ABCA9: variants seen among roughly 807,000 people sequenced by gnomAD.
The protein encoded by ABCA9 is ATP-binding cassette sub-family A member 9.
In ABCA9, 183 loss-of-function variants were observed where a neutral mutation model predicts 205.3. The observed-to-expected ratio is 0.89, with a 90% CI of 0.79 to 1.01. The LOEUF is 1.01. Ranked by LOEUF, ABCA9 falls within the 50% of genes least tolerant of loss-of-function variation. ABCA9 has a pLI of 0.00. For synonymous variants in ABCA9, 651 were observed against 683.3 expected, an observed-to-expected ratio of 0.95 and a Z score of 0.74; for missense variants, 1,805 against 1,912.4, an observed-to-expected ratio of 0.94 and a Z score of 1.05.
intron 3 of ABCA9, among the ~76,000 whole-genome samples, chr17:69,046,133 C>T (rs761351971): frequency 1.3e-5 from 2 of 152,100 alleles, no homozygotes; most frequent in Non-Finnish European, 2.9e-5. Flanking sequence ...AATTATAGTA[C>T]ACATCTTCAT....
At chr17:69,061,491 C>T (rs900692282), upstream of ABCA9, among the ~76,000 whole-genome samples, 1 of 152,060 alleles carries the variant, frequency 6.6e-6, no homozygotes, top group African/African-American at 2.4e-5. Flanking sequence ...TCTGAGTTTC[C>T]ATCTGCATCT....
At chr17:69,045,936 C>T (rs1404886861) in intron 3 of ABCA9, among the ~76,000 whole-genome samples, 2 of 151,972 alleles carry the variant, frequency 1.3e-5, no homozygotes, top group African/African-American at 4.8e-5. Context: ...GGAGACACAG[C>T]CAAACCATAT....
upstream of ABCA9, among the ~76,000 whole-genome samples, chr17:69,062,464 ATCT>A (rs530632376): frequency 6.6e-6 from 1 of 151,790 alleles, no homozygotes; most frequent in Admixed American, 6.6e-5. Context: ...CCTCTCATTG[ATCT>A]TCTTTTTAAT....
At chr17:69,032,300 A>G in intron 9 of ABCA9, 24 bp from the exon 10 acceptor site, 1 of 1,605,876 alleles carries the variant, frequency 6.2e-7, no homozygotes, top group South Asian at 1.1e-5. Flanking sequence ...AGGCAATTGA[A>G]TACTGGGTCA....
Position 69,008,222 on chromosome 17 carries a change from G to T in ABCA9, c.3161C>A (p.Ser1054Tyr). Reference sequence around the variant, plus strand: ...GTAGAGGCCTGAAATCCGTAGCTGGGAATGAGCTTTTTTCTGATAAAGAAA... The same window carrying T: ...GTAGAGGCCTGAAATCCGTAGCTGGTAATGAGCTTTTTTCTGATAAAGAAA... ...SIGDYKKKAH[S>Y]QLRISGLYPS... The change falls in exon 24 of 39, where the codon TCC becomes TAC. Residue 1054 changes from serine to tyrosine, a missense_variant. Physicochemically the swap from Ser to Tyr is moderately radical, Grantham distance 144. Coordinates refer to ENST00000340001, the MANE Select transcript of ABCA9 (RefSeq NM_080283.4). The T allele has an allele frequency of 6.2e-7, 1 of 1,612,416 alleles. No individual in the cohort carries two copies. The highest frequency in any genetic ancestry group is 8.5e-7 in the Non-Finnish European group (1 of 1,179,610).
At chr17:69,011,169 A>G (rs1477602036) in intron 23 of ABCA9, among the ~76,000 whole-genome samples, 2 of 152,190 alleles carry the variant, frequency 1.3e-5, no homozygotes, top group South Asian at 2.1e-4. Context: ...TGTAACTAGT[A>G]TCTCATTTTA....
chr17:69,057,588 G>T (rs1235870262), intron 1 of ABCA9, among the ~76,000 whole-genome samples: 1 of 152,218 alleles, frequency 6.6e-6, no homozygotes, highest in Non-Finnish European at 1.5e-5. Context: ...TTCAGGATAT[G>T]TCTGTCCAAA....
intron 6 of ABCA9, among the ~76,000 whole-genome samples, chr17:69,036,871 CAAAAAAAAAAAAAAAAAAA>C (rs781565554): frequency 6.4e-4 from 3 of 4,700 alleles, no homozygotes; most frequent in Non-Finnish European, 8.5e-4. Flanking sequence ...AAATGGAAAG[CAAAAAAAAAAAAAAAAAAA>C]AAAAAAAAGC....
chr17:68,976,510 A>T (rs1318358758), intron 37 of ABCA9, among the ~76,000 whole-genome samples: 2 of 152,188 alleles, frequency 1.3e-5, no homozygotes, highest in Non-Finnish European at 2.9e-5. Flanking sequence ...ACCAGCCCTC[A>T]TTCTTGTCTA....
intron 37 of ABCA9, among the ~76,000 whole-genome samples, chr17:68,980,993 A>C (rs2069034552): frequency 6.6e-6 from 1 of 152,144 alleles, no homozygotes; most frequent in African/African-American, 2.4e-5. Context: ...GCTAAGTGAA[A>C]TAAGCCAGGC....
At chr17:69,040,887 A>G (rs1349265696) in intron 6 of ABCA9, among the ~76,000 whole-genome samples, 1 of 152,154 alleles carries the variant, frequency 6.6e-6, no homozygotes, top group Non-Finnish European at 1.5e-5. Flanking sequence ...TTCCCTTACT[A>G]TCAATGCCAA....
At chr17:69,078,930 T>G in the ABCA9 span, 17 of 1,154,446 alleles carry the variant, frequency 1.5e-5, no homozygotes, top group Non-Finnish European at 1.7e-5. Flanking sequence ...ACATAAAACA[T>G]GAGTTTATAG....
chr17:69,066,771 A>G, the ABCA9 span, among the ~76,000 whole-genome samples: 1 of 152,192 alleles, frequency 6.6e-6, no homozygotes, highest in Non-Finnish European at 1.5e-5. Context: ...TGTGCTGGGC[A>G]CTTGAGGATA....
chr17:69,032,898 C>T (rs1191180301), intron 9 of ABCA9: 1 of 152,256 alleles, frequency 6.6e-6, no homozygotes, highest in African/African-American at 2.4e-5. Context: ...TCTCTTCCTT[C>T]CCTTCATTTC....
chr17:69,032,511 A>G, intron 9 of ABCA9: 1 of 356,964 alleles, frequency 2.8e-6, no homozygotes, highest in Non-Finnish European at 5.0e-6. Flanking sequence ...TAACTAACTA[A>G]AAAGCTCCTC....
Position 69,024,533 on chromosome 17 carries a change from C to T in ABCA9, c.2142-180G>A, listed in dbSNP as rs372443823. On this transcript the variant is annotated intron_variant, in intron 16 of 38. Coordinates refer to ENST00000340001, the MANE Select transcript of ABCA9 (RefSeq NM_080283.4). Reference sequence around the variant, plus strand: ...AGTCCAAACCATTAAATCTATGCAACATGGCAGAAGAATTAGTATAAGGGA... The same window carrying T: ...AGTCCAAACCATTAAATCTATGCAATATGGCAGAAGAATTAGTATAAGGGA... Among the ~76,000 whole-genome samples the T allele has an allele frequency of 1.4e-4, 22 of 152,238 alleles. No individual in the cohort carries two copies. In the South Asian group the frequency reaches 4.6e-3, roughly 32 times the overall value.
intron 17 of ABCA9, among the ~76,000 whole-genome samples, chr17:69,022,997 T>A (rs138742856): frequency 1.4e-3 from 206 of 152,350 alleles, no homozygotes; most frequent in African/African-American, 4.6e-3. Flanking sequence ...AAAACTTTGC[T>A]GTGTGATCTT....
chr17:69,017,229 A>T (rs2070651184), intron 21 of ABCA9, among the ~76,000 whole-genome samples: 1 of 152,088 alleles, frequency 6.6e-6, no homozygotes, highest in African/African-American at 2.4e-5. Context: ...CAATTTGCCT[A>T]CTGTAGAGAT....
chr17:69,034,668 G>GA (rs1235873139), intron 8 of ABCA9: 4 of 151,904 alleles, frequency 2.6e-5, no homozygotes, highest in African/African-American at 9.7e-5. Context: ...CTTAGAATGA[G>GA]AAAAAAGGAG....
Sources: gnomAD v4.1 joint callset for allele counts (sites outside exome capture counted in the v4.1 genomes callset) on GRCh38, gnomAD v4.1.1 for gene constraint, MANE v1.5 for transcripts, NCBI Gene and HGNC (gene_info 2026-07-23, HGNC 2026-07-21) for gene names.